The following MDGA2 variants were observed in gnomAD, a reference collection of about 807,000 sequenced individuals.
The protein encoded by MDGA2 is MAM domain containing glycosylphosphatidylinositol anchor 2, also known as MAM domain-containing glycosylphosphatidylinositol anchor protein 2.
Under a neutral mutation model 117.8 loss-of-function variants are expected in MDGA2, and 40 were observed. The ratio of observed to expected loss-of-function variants is 0.34; its 90% CI spans 0.26 to 0.44. The LOEUF (loss-of-function observed/expected upper bound fraction) is 0.44. Ranked by LOEUF, MDGA2 falls within the 20% of genes least tolerant of loss-of-function variation. The probability of loss-of-function intolerance (pLI) is 1.00; values close to 1 mark genes in which losing one functional copy is unlikely to be tolerated. For synonymous variants in MDGA2, 452 were observed against 439.0 expected (o/e 1.03, Z -0.37); for missense variants, 1,123 against 1,250.6 (o/e 0.90, Z 1.54).
chr14:47,177,350 AC>A (rs1274250372), intron 3 of MDGA2, among the ~76,000 whole-genome samples: 1 of 152,194 alleles, frequency 6.6e-6, no homozygotes, highest in African/African-American at 2.4e-5. Context: ...ACACATGCAC[AC>A]GTATGTTTAC....
chr14:47,579,119 T>C (rs1048722675), intron 1 of MDGA2, among the ~76,000 whole-genome samples: 5 of 152,106 alleles, frequency 3.3e-5, no homozygotes, highest in Admixed American at 2.0e-4. Context: ...TGTAAAAATA[T>C]TGAAACATAC....
chr14:46,929,626 TATATATATATATATATATATAC>T (rs1566530290), intron 9 of MDGA2, among the ~76,000 whole-genome samples: 19 of 30,822 alleles, frequency 6.2e-4, no homozygotes, highest in South Asian at 1.3e-3. Flanking sequence ...TATATATATA[TATATATATATATATATATATAC>T]ATTTTTTTTT....
chr14:47,055,374 G>A (rs1209051350), intron 7 of MDGA2, among the ~76,000 whole-genome samples: 1 of 151,958 alleles, frequency 6.6e-6, no homozygotes, highest in Admixed American at 6.6e-5. Context: ...AAGATCTAAT[G>A]AGATTCATTT....
intron 1 of MDGA2, among the ~76,000 whole-genome samples, chr14:47,498,579 G>T (rs536823095): frequency 6.6e-6 from 1 of 152,100 alleles, no homozygotes; most frequent in East Asian, 1.9e-4. Context: ...GTGAACACAC[G>T]AAAACTTTCC....
chr14:47,118,411 T>C (rs2139089038), intron 5 of MDGA2, among the ~76,000 whole-genome samples: 1 of 152,322 alleles, frequency 6.6e-6, no homozygotes, highest in South Asian at 2.1e-4. Flanking sequence ...TATTTTTAAA[T>C]GAAACATAAA....
At position 47,636,104 on chromosome 14, in the gene MDGA2, C is replaced by T. The variant is rs568878164; in HGVS notation, c.280+38413G>A. On this transcript the variant is annotated intron_variant, in intron 1 of 16. Coordinates refer to ENST00000399232, the MANE Select transcript of MDGA2 (RefSeq NM_001113498.3). ...GGGAATAAGGCTTGCCAGTAAAGGACAAATAATTTCTTACAACATGGATAT... is the reference window on the plus strand; with the variant it reads ...GGGAATAAGGCTTGCCAGTAAAGGATAAATAATTTCTTACAACATGGATAT... Among the ~76,000 whole-genome samples, 71 of 152,134 alleles carry T rather than the reference C, an allele frequency of 4.7e-4. 1 individual carries two copies. Among genetic ancestry groups the T allele is most frequent in the African/African-American group, 1.6e-3 (67 of 41,520 alleles).
chr14:47,094,484 T>C (rs1250073145), intron 6 of MDGA2, among the ~76,000 whole-genome samples: 1 of 152,082 alleles, frequency 6.6e-6, no homozygotes, highest in Non-Finnish European at 1.5e-5. Flanking sequence ...GCAACACAGA[T>C]ATTTTATATT....
At chr14:47,211,688 A>G (rs1885889275) in intron 3 of MDGA2, among the ~76,000 whole-genome samples, 1 of 152,208 alleles carries the variant, frequency 6.6e-6, no homozygotes. Context: ...ACACTCTTGA[A>G]AAAAGGAGTT....
At chr14:47,044,452 T>C (rs1057323433) in intron 7 of MDGA2, among the ~76,000 whole-genome samples, 2 of 152,152 alleles carry the variant, frequency 1.3e-5, no homozygotes, top group Non-Finnish European at 1.5e-5. Context: ...GGCCCTATGA[T>C]AGAATGTCCA....
intron 9 of MDGA2, among the ~76,000 whole-genome samples, chr14:46,930,829 C>T (rs1047646585): frequency 2.6e-5 from 4 of 152,006 alleles, no homozygotes; most frequent in Admixed American, 6.6e-5. Context: ...ATTATAAGCT[C>T]CAGATGGCAA....
At chr14:47,535,695 T>C (rs752964462) in intron 1 of MDGA2, among the ~76,000 whole-genome samples, 1 of 152,152 alleles carries the variant, frequency 6.6e-6, no homozygotes, top group African/African-American at 2.4e-5. Context: ...AGGACACAAA[T>C]AAACATGAAA....
intron 1 of MDGA2, among the ~76,000 whole-genome samples, chr14:47,342,150 C>T (rs1311737784): frequency 1.3e-5 from 2 of 151,860 alleles, no homozygotes; most frequent in Non-Finnish European, 2.9e-5. Flanking sequence ...TGCGCCTGGC[C>T]TGGCTTATTT....
At chr14:46,874,287 T>C (rs1882136059) in intron 12 of MDGA2, 87 bp from the exon 13 acceptor site, 2 of 606,140 alleles carry the variant, frequency 3.3e-6, no homozygotes, top group Admixed American at 4.4e-5. Context: ...AAATATTACA[T>C]AGCAATAATA....
intron 8 of MDGA2, among the ~76,000 whole-genome samples, chr14:47,027,205 C>T (rs1888505662): frequency 6.6e-6 from 1 of 151,724 alleles, no homozygotes; most frequent in African/African-American, 2.4e-5. Context: ...TTAACTTAAT[C>T]ACATATGTGA....
rs139501643 is a variant in MDGA2 at position 46,960,005 on chromosome 14, C to T, written c.1820-2362G>A. On this transcript the variant is annotated intron_variant, in intron 8 of 16. Coordinates refer to ENST00000399232, the MANE Select transcript of MDGA2 (RefSeq NM_001113498.3). ...TTGGGAGGCTGAGGAGGGCGGATCA[C>T]GAGGTCAGGACTTCGAGACCAGCCT... Among the ~76,000 whole-genome samples, 960 of 152,026 alleles carry T rather than the reference C, an allele frequency of 6.3e-3. 4 individuals carry two copies. Among genetic ancestry groups the T allele is most frequent in the African/African-American group, 0.012 (483 of 41,456 alleles).
In MDGA2 at chr14:47,558,947, T is replaced by C. The variant is rs144913815; in HGVS notation, c.280+115570A>G. 4.2e-3 allele frequency among the ~76,000 whole-genome samples: 636 copies of C among 152,308 alleles called. 5 individuals are homozygous for C. The highest frequency in any genetic ancestry group is 0.015 in the African/African-American group (606 of 41,574). Reference sequence around the variant, plus strand: ...TTATATTTTCTTTAAAATTTGAATATATACATACGATACACATATGATTCT... The same window carrying C: ...TTATATTTTCTTTAAAATTTGAATACATACATACGATACACATATGATTCT... On this transcript the variant is annotated intron_variant, in intron 1 of 16. Transcript: ENST00000399232.
chr14:47,560,229 G>A (rs1036597666), intron 1 of MDGA2, among the ~76,000 whole-genome samples: 4 of 151,852 alleles, frequency 2.6e-5, no homozygotes, highest in Admixed American at 6.6e-5. Flanking sequence ...CACCACGCCC[G>A]ACTAATTTTT....
intron 1 of MDGA2, among the ~76,000 whole-genome samples, chr14:47,430,720 C>T (rs1241129719): frequency 6.6e-5 from 10 of 152,036 alleles, no homozygotes; most frequent in Admixed American, 6.6e-4. Flanking sequence ...TAATATTTTT[C>T]ATGGCAATTG....
chr14:47,045,133 C>T (rs989101293), intron 7 of MDGA2, among the ~76,000 whole-genome samples: 6 of 152,148 alleles, frequency 3.9e-5, no homozygotes, highest in Non-Finnish European at 7.3e-5. Context: ...TCATTCTCTG[C>T]ATGGCATTCA....
Sources: gnomAD v4.1 joint callset for allele counts (sites outside exome capture counted in the v4.1 genomes callset) on GRCh38, gnomAD v4.1.1 for gene constraint, MANE v1.5 for transcripts, NCBI Gene and HGNC (gene_info 2026-07-23, HGNC 2026-07-21) for gene names.